The following UGT1A8 variants were observed in gnomAD, a reference collection of about 807,000 sequenced individuals.
The protein encoded by UGT1A8 is UDP-glucuronosyltransferase 1A8.
Under a neutral mutation model 45.3 loss-of-function variants are expected in UGT1A8, and 39 were observed. The observed-to-expected ratio is 0.86, with a 90% CI of 0.67 to 1.12. The LOEUF is 1.12. Ranked by LOEUF, UGT1A8 falls within the 50% of genes most tolerant of loss-of-function variation. The probability of loss-of-function intolerance (pLI) is 0.00; values close to 1 mark genes in which losing one functional copy is unlikely to be tolerated. For synonymous variants in UGT1A8, 275 were observed against 249.2 expected, an observed-to-expected ratio of 1.10 and a Z score of -0.97; for missense variants, 719 against 664.9, an observed-to-expected ratio of 1.08 and a Z score of -0.90.
At position 233,772,381 on chromosome 2, in the gene UGT1A8, G is replaced by A. The variant is rs150687296; in HGVS notation, c.1415G>A (p.Arg472His). 6.8e-6 allele frequency: 11 copies of A among 1,614,106 alleles called. No individual in the cohort carries two copies. Among genetic ancestry groups the A allele is most frequent in the Middle Eastern group, 1.6e-4 (1 of 6,084 alleles). Residue 472 changes from arginine (R) to histidine (H), a missense_variant, in exon 5 of 5, where the codon CGC becomes CAC. Transcript: ENST00000373450. The stretch of plus-strand genomic sequence containing the variant: ...AGGCACAAGGGCGCGCCACACCTGC[G>A]CCCCGCAGCCCACGACCTCACCTGG... ...VMRHKGAPHL[R>H]PAAHDLTWYQ...
chr2:233,637,822 A>G (rs964012742), intron 1 of UGT1A8, among the ~76,000 whole-genome samples: 2 of 152,182 alleles, frequency 1.3e-5, no homozygotes, highest in Admixed American at 1.3e-4. Context: ...TGGGCTGAAC[A>G]TATTCTTCTT....
chr2:233,726,034 C>T (rs1279276362), intron 1 of UGT1A8, among the ~76,000 whole-genome samples: 3 of 152,170 alleles, frequency 2.0e-5, no homozygotes, highest in East Asian at 1.9e-4. Flanking sequence ...GGTGTGATGG[C>T]GCACACCTGT....
At chr2:233,689,845 T>C (rs1292880169) in intron 1 of UGT1A8, 2 of 454,206 alleles carry the variant, frequency 4.4e-6, no homozygotes, top group African/African-American at 4.0e-5. Context: ...TCTTGGATAT[T>C]GTTTTAGGCT....
rs548170918 is a variant in UGT1A8, at chr2:233,735,411, T to G, written c.856-31623T>G. ...TTTTGAGCCTATGTGTGTCTCTGCA[T>G]GTGAGATAGGCCTCCTGAATACAGC... On this transcript the variant is annotated intron_variant, in intron 1 of 4. Coordinates refer to ENST00000373450, the MANE Select transcript of UGT1A8 (RefSeq NM_019076.5). 2.6e-5 allele frequency among the ~76,000 whole-genome samples: 4 copies of G among 152,294 alleles called. 1 individual carries two copies. In the Middle Eastern group the frequency reaches 0.014, roughly 518 times the overall value.
intron 1 of UGT1A8, among the ~76,000 whole-genome samples, chr2:233,644,686 T>G (rs958003863): frequency 7.2e-5 from 11 of 152,330 alleles, no homozygotes; most frequent in Non-Finnish European, 1.3e-4. Flanking sequence ...GCCTCCCAAT[T>G]GTCTCCCACC....
intron 1 of UGT1A8, among the ~76,000 whole-genome samples, chr2:233,727,564 G>A (rs1303726979): frequency 6.6e-6 from 1 of 152,214 alleles, no homozygotes; most frequent in Non-Finnish European, 1.5e-5. Flanking sequence ...CTCATCATGA[G>A]GGTGCTTAGG....
chr2:233,642,746 C>T (rs780853748), intron 1 of UGT1A8, among the ~76,000 whole-genome samples: 10 of 152,346 alleles, frequency 6.6e-5, no homozygotes, highest in East Asian at 3.9e-4. Flanking sequence ...AGCCTAGTAA[C>T]GCTGTGGTTC....
intron 1 of UGT1A8, among the ~76,000 whole-genome samples, chr2:233,766,497 A>T (rs906652149): frequency 3.9e-5 from 6 of 152,128 alleles, no homozygotes; most frequent in Admixed American, 3.9e-4. Context: ...GTGGCAGGCC[A>T]GGGTGGTTTT....
At chr2:233,662,988 G>A (rs1424880779) in intron 1 of UGT1A8, among the ~76,000 whole-genome samples, 1 of 152,042 alleles carries the variant, frequency 6.6e-6, no homozygotes, top group East Asian at 1.9e-4. Flanking sequence ...AATACACATA[G>A]CATAAACCTT....
intron 1 of UGT1A8, among the ~76,000 whole-genome samples, chr2:233,725,123 C>T (rs1575559586): frequency 7.2e-6 from 1 of 137,948 alleles, no homozygotes; most frequent in South Asian, 2.6e-4. Flanking sequence ...TTGCAGTGAG[C>T]CGAGATGGCA....
At chr2:233,739,447 A>G (rs1387114794) in intron 1 of UGT1A8, among the ~76,000 whole-genome samples, 2 of 152,208 alleles carry the variant, frequency 1.3e-5, no homozygotes, top group East Asian at 3.8e-4. Flanking sequence ...CTGCAAAGCC[A>G]CAGGGTTGGA....
At chr2:233,645,351 G>A (rs1409586887) in intron 1 of UGT1A8, among the ~76,000 whole-genome samples, 2 of 152,056 alleles carry the variant, frequency 1.3e-5, no homozygotes, top group Non-Finnish European at 2.9e-5. Flanking sequence ...TTCCACCCTG[G>A]TCCCTCCCAA....
intron 1 of UGT1A8, chr2:233,747,193 C>T (rs1693585956): frequency 1.9e-6 from 3 of 1,603,982 alleles, no homozygotes; most frequent in Non-Finnish European, 2.6e-6. Flanking sequence ...GGACAGTCAG[C>T]TGTCCGTGTC....
At chr2:233,726,426 T>C (rs554048011) in intron 1 of UGT1A8, among the ~76,000 whole-genome samples, 1 of 152,328 alleles carries the variant, frequency 6.6e-6, no homozygotes, top group East Asian at 1.9e-4. Flanking sequence ...TTCTGTCCAC[T>C]CTTAATCTTA....
intron 1 of UGT1A8, among the ~76,000 whole-genome samples, chr2:233,726,490 A>G (rs1018166677): frequency 6.6e-6 from 1 of 151,932 alleles, no homozygotes; most frequent in Non-Finnish European, 1.5e-5. Flanking sequence ...CTTTTTCCTT[A>G]TTAATTTTGG....
At chr2:233,758,381 C>CTTATGTGT (rs1159437642) in intron 1 of UGT1A8, among the ~76,000 whole-genome samples, 1 of 152,202 alleles carries the variant, frequency 6.6e-6, no homozygotes, top group East Asian at 1.9e-4. Context: ...ACAGTGGTGA[C>CTTATGTGT]TTATGTGTTT....
At chr2:233,660,745 T>C (rs1201718381) in intron 1 of UGT1A8, among the ~76,000 whole-genome samples, 9 of 152,152 alleles carry the variant, frequency 5.9e-5, no homozygotes, top group African/African-American at 1.9e-4. Context: ...TTGTGGCATT[T>C]TTTTTCTCTA....
intron 1 of UGT1A8, among the ~76,000 whole-genome samples, chr2:233,689,467 GA>G (rs1414189798): frequency 6.6e-6 from 1 of 152,202 alleles, no homozygotes. Context: ...TAGGAAAACA[GA>G]AGTTACAAGA....
chr2:233,772,142 A>T, intron 4 of UGT1A8, 120 bp from the exon 5 acceptor site: 1 of 1,550,154 alleles, frequency 6.5e-7, no homozygotes, highest in Non-Finnish European at 8.7e-7. Context: ...AATAATAGAA[A>T]CAGGTTTCCT....
Sources: gnomAD v4.1 joint callset for allele counts (sites outside exome capture counted in the v4.1 genomes callset) on GRCh38, gnomAD v4.1.1 for gene constraint, MANE v1.5 for transcripts, NCBI Gene and HGNC (gene_info 2026-07-23, HGNC 2026-07-21) for gene names.